ATP6V1G3: variants seen among roughly 807,000 people sequenced by gnomAD.
ATP6V1G3 encodes the protein ATPase H+ transporting V1 subunit G3.
ATP6V1G3 carries 9 observed loss-of-function variants against 9.3 expected under a neutral mutation model. The ratio of observed to expected loss-of-function variants is 0.97; its 90% CI spans 0.59 to 1.69. The LOEUF is 1.69. Ranked by LOEUF, ATP6V1G3 falls within the 40% of genes most tolerant of loss-of-function variation. The probability of loss-of-function intolerance (pLI) is 0.00; values close to 1 mark genes in which losing one functional copy is unlikely to be tolerated. For missense variants in ATP6V1G3, 133 were observed against 139.0 expected, an observed-to-expected ratio of 0.96 and a Z score of 0.22; for synonymous variants, 43 against 43.8, an observed-to-expected ratio of 0.98 and a Z score of 0.07.
At chr1:198,526,381 T>TA (rs1659652477) in intron 2 of ATP6V1G3, among the ~76,000 whole-genome samples, 1 of 152,158 alleles carries the variant, frequency 6.6e-6, no homozygotes, top group African/African-American at 2.4e-5. Context: ...AATGATTAGA[T>TA]ATCTTGGATA....
intron 1 of ATP6V1G3, among the ~76,000 whole-genome samples, chr1:198,535,474 A>G (rs1046036592): frequency 6.6e-6 from 1 of 152,024 alleles, no homozygotes; most frequent in East Asian, 1.9e-4. Flanking sequence ...TCACAAAAAT[A>G]AATCTGAATT....
At chr1:198,528,983 G>A (rs1659774622) in intron 2 of ATP6V1G3, 98 bp downstream of exon 2, 1 of 466,516 alleles carries the variant, frequency 2.1e-6, no homozygotes, top group Admixed American at 3.1e-5. Context: ...CTGCTCAATT[G>A]CAGCATATTT....
chr1:198,523,523 T>G lies in ATP6V1G3; in HGVS notation c.225A>C (p.Glu75Asp). The change falls in exon 3 of 3, where the codon GAA becomes GAC. Residue 75 changes from glutamate (E) to aspartate (D), a missense_variant. Glu to Asp is a conservative substitution (Grantham distance 45). Transcript: ENST00000367382. ...SQNNLSDEIE[E>D]QTLGKIQELN... The stretch of plus-strand genomic sequence containing the variant: ...GTTCTTGTATCTTCCCTAGTGTTTG[T>G]TCTTCTATTTCATCTGAGAGATTAT... 1.2e-6 allele frequency: 2 copies of G among 1,613,464 alleles called. No individual in the cohort carries two copies. Among genetic ancestry groups the G allele is most frequent in the East Asian group, 4.5e-5 (2 of 44,808 alleles).
At chr1:198,531,411 T>C (rs1659893101) in intron 1 of ATP6V1G3, among the ~76,000 whole-genome samples, 2 of 152,202 alleles carry the variant, frequency 1.3e-5, no homozygotes, top group African/African-American at 4.8e-5. Flanking sequence ...TACTTATTTC[T>C]TTGTATGCAT....
intron 1 of ATP6V1G3, among the ~76,000 whole-genome samples, chr1:198,537,154 A>G (rs1247284045): frequency 6.6e-6 from 1 of 152,130 alleles, no homozygotes; most frequent in Admixed American, 6.6e-5. Context: ...TTCAATTTCT[A>G]TAGACCGCGT....
At chr1:198,529,420 A>AT (rs1457004319) in intron 1 of ATP6V1G3, among the ~76,000 whole-genome samples, 1 of 151,626 alleles carries the variant, frequency 6.6e-6, no homozygotes, top group Admixed American at 6.6e-5. Context: ...AAATTTTATT[A>AT]TTTTTTATTG....
chr1:198,529,948 G>T (rs551178180), intron 1 of ATP6V1G3, among the ~76,000 whole-genome samples: 1 of 152,198 alleles, frequency 6.6e-6, no homozygotes, highest in South Asian at 2.1e-4. Context: ...CGAATACAAT[G>T]CTGTGGTAAT....
chr1:198,537,137 T>G (rs897966058), intron 1 of ATP6V1G3, among the ~76,000 whole-genome samples: 6 of 152,128 alleles, frequency 3.9e-5, no homozygotes, highest in African/African-American at 1.4e-4. Context: ...GAGCAGAGAC[T>G]TGCATATTCA....
intron 1 of ATP6V1G3, among the ~76,000 whole-genome samples, chr1:198,530,830 C>A (rs908988066): frequency 2.0e-5 from 3 of 152,014 alleles, no homozygotes; most frequent in Admixed American, 6.6e-5. Context: ...ATCTGTTTGT[C>A]ATTTACATCA....
intron 2 of ATP6V1G3, among the ~76,000 whole-genome samples, chr1:198,524,408 T>C (rs2103129285): frequency 6.6e-6 from 1 of 152,210 alleles, no homozygotes; most frequent in Non-Finnish European, 1.5e-5. Flanking sequence ...CAAGTGTGAG[T>C]CACAGCGCCT....
At position 198,540,639 on chromosome 1, in the gene ATP6V1G3, C is replaced by G. The variant is rs371673303; in HGVS notation, c.12G>C (p.Gln4His). Residue 4 changes from glutamine to histidine, a missense_variant, in exon 1 of 3, where the codon CAG becomes CAC. Gln to His is a conservative substitution (Grantham distance 24). Coordinates refer to ENST00000367382, the MANE Select transcript of ATP6V1G3 (RefSeq NM_001376861.1). Reference sequence around the variant, plus strand: ...GAAGAAGCTGGTGGATCCCCTGAGACTGGCTTGTCATGGTAGTCTGCTCCA... The same window carrying G: ...GAAGAAGCTGGTGGATCCCCTGAGAGTGGCTTGTCATGGTAGTCTGCTCCA... MTS[Q>H]SQGIHQLLQA... is the part of the protein sequence containing the mutation. 3 of 1,613,942 alleles carry G rather than the reference C, an allele frequency of 1.9e-6. No homozygotes were observed. Among genetic ancestry groups the G allele is most frequent in the Non-Finnish European group, 2.5e-6 (3 of 1,179,956 alleles).
chr1:198,538,382 G>T (rs1660204260), intron 1 of ATP6V1G3, among the ~76,000 whole-genome samples: 3 of 151,996 alleles, frequency 2.0e-5, no homozygotes, highest in African/African-American at 7.3e-5. Flanking sequence ...GCCCTTAGCG[G>T]CTCCCACCCC....
chr1:198,540,575 T>C lies in ATP6V1G3; in HGVS notation c.76A>G (p.Lys26Glu). The change falls in exon 1 of 3, where the codon AAG (lysine) becomes GAG (glutamate). Residue 26 changes from lysine (K) to glutamate (E), a missense_variant. Transcript: ENST00000367382. ...KRAKDKLEEA[K>E]KRKGKRLKQA... ...CCTCACAGGTGAGACTTACTCTTCT[T>C]GGCTTCCTCTAGCTTGTCCTTGGCC... The C allele has an allele frequency of 1.9e-6, 3 of 1,613,874 alleles. No homozygotes were observed. Among genetic ancestry groups the C allele is most frequent in the Non-Finnish European group, 1.7e-6 (2 of 1,179,754 alleles).
rs1023463337 is a variant in ATP6V1G3 at position 198,523,584 on chromosome 1, A to C, written c.184-20T>G. 5 of 1,602,836 alleles carry C rather than the reference A, an allele frequency of 3.1e-6. No homozygotes were observed. The African/African-American group carries it at 5.4e-5, about 17-fold the overall frequency. Reference sequence around the variant, plus strand: ...CATTATCTACCAAAACAAAACAGACAGAATTCACATCATAATACAATTGTT... The same window carrying C: ...CATTATCTACCAAAACAAAACAGACCGAATTCACATCATAATACAATTGTT... On this transcript the variant is annotated intron_variant, in intron 2 of 2. Coordinates refer to ENST00000367382, the MANE Select transcript of ATP6V1G3 (RefSeq NM_001376861.1).
chr1:198,523,397 G>A lies in ATP6V1G3; in HGVS notation c.351C>T (p.Thr117=). Residue 117 remains threonine (T), a synonymous_variant, in exon 3 of 3, where the codon ACC becomes ACT. Transcript: ENST00000367382. The part of the protein sequence containing the change: ...KPEIHVNYRA[T]N ...TGAAAACTGTGATGTACATTTAGTT[G>A]GTGGCTCTGTAGTTCACATGGATTT... 6.2e-7 allele frequency: 1 copy of A among 1,611,474 alleles called. No homozygotes were observed. Among genetic ancestry groups the A allele is most frequent in the Admixed American group, 1.7e-5 (1 of 59,686 alleles).
intron 1 of ATP6V1G3, among the ~76,000 whole-genome samples, chr1:198,535,221 A>G (rs1660059040): frequency 6.6e-6 from 1 of 152,166 alleles, no homozygotes; most frequent in Admixed American, 6.5e-5. Context: ...ACTATAAAGG[A>G]AGAGGAAGTA....
chr1:198,540,485 C>G (rs2103148900), intron 1 of ATP6V1G3, 84 bp downstream of exon 1: 1 of 1,425,862 alleles, frequency 7.0e-7, no homozygotes, highest in East Asian at 2.3e-5. Flanking sequence ...GAAACAAGGT[C>G]TGCCTAATCC....
At position 198,533,879 on chromosome 1, in the gene ATP6V1G3, G is replaced by A. The variant is rs577545149; in HGVS notation, c.83-4698C>T. Among the ~76,000 whole-genome samples the A allele has an allele frequency of 2.6e-5, 4 of 152,278 alleles. No individual in the cohort carries two copies. In the East Asian group the frequency reaches 5.8e-4, roughly 22 times the overall value. Reference sequence around the variant, plus strand: ...AAAGAGGAAAGAGGGATCTAATTATGAATGAGATATTGAATTAATATTGGG... The same window carrying A: ...AAAGAGGAAAGAGGGATCTAATTATAAATGAGATATTGAATTAATATTGGG... On this transcript the variant is annotated intron_variant, in intron 1 of 2. Coordinates refer to ENST00000367382, the MANE Select transcript of ATP6V1G3 (RefSeq NM_001376861.1).
At chr1:198,540,717 G>T (rs1660313561), upstream of ATP6V1G3, 4 of 1,428,100 alleles carry the variant, frequency 2.8e-6, no homozygotes, top group South Asian at 4.6e-5. Context: ...TATTCTTTTA[G>T]AAATTAACAT....
Sources: gnomAD v4.1 joint callset for allele counts (sites outside exome capture counted in the v4.1 genomes callset) on GRCh38, gnomAD v4.1.1 for gene constraint, MANE v1.5 for transcripts, NCBI Gene and HGNC (gene_info 2026-07-23, HGNC 2026-07-21) for gene names.